Variants in CACNA1D observed in about 807,000 individuals in gnomAD.
CACNA1D encodes calcium voltage-gated channel subunit alpha1 D, also known as voltage-dependent L-type calcium channel subunit alpha-1D.
In CACNA1D, 55 loss-of-function variants were observed where a neutral mutation model predicts 257.1. The observed-to-expected ratio is 0.21, with a 90% CI of 0.17 to 0.27. The LOEUF is 0.27. Ranked by LOEUF, CACNA1D falls within the 10% of genes least tolerant of loss-of-function variation. The pLI is 1.00. For synonymous variants in CACNA1D, 980 were observed against 1,014.9 expected (o/e 0.97, Z 0.65); for missense variants, 1,876 against 2,784.0 (o/e 0.67, Z 7.34).
chr3:53,719,904 T>A, intron 11 of CACNA1D, 123 bp downstream of exon 11: 1 of 904,684 alleles, frequency 1.1e-6, no homozygotes, highest in South Asian at 1.3e-5. Context: ...ACATTGATAC[T>A]GAATTGCAGT....
intron 3 of CACNA1D, among the ~76,000 whole-genome samples, chr3:53,590,599 A>C (rs1022393606): frequency 2.6e-5 from 4 of 152,238 alleles, no homozygotes; most frequent in Non-Finnish European, 4.4e-5. Flanking sequence ...TTTGGTTCAC[A>C]AAACAACTGT....
At chr3:53,725,981 G>A (rs975383026) in intron 14 of CACNA1D, among the ~76,000 whole-genome samples, 2 of 152,112 alleles carry the variant, frequency 1.3e-5, no homozygotes, top group Admixed American at 6.5e-5. Flanking sequence ...TACTCTTGAG[G>A]TAGTTTTGTA....
intron 3 of CACNA1D, among the ~76,000 whole-genome samples, chr3:53,601,432 G>A (rs1198021132): frequency 6.6e-6 from 1 of 152,206 alleles, no homozygotes; most frequent in Non-Finnish European, 1.5e-5. Flanking sequence ...TAGTAGCAAG[G>A]GAGAAGGCAG....
chr3:53,663,522 C>T (rs573765312), intron 5 of CACNA1D, among the ~76,000 whole-genome samples: 2 of 152,288 alleles, frequency 1.3e-5, no homozygotes, highest in East Asian at 3.9e-4. Context: ...TGGTTCCTCA[C>T]AACCAATCCT....
chr3:53,812,714 T>C lies in CACNA1D; in HGVS notation c.*1308T>C, dbSNP rs877483. On this transcript the variant is annotated 3_prime_UTR_variant, in exon 48 of 48. Coordinates refer to ENST00000350061, the MANE Select transcript of CACNA1D (RefSeq NM_001128840.3). ...TTTGCATCGCTGGTGCAGAAATGCA[T>C]AGGTGGATGAGATATAGCTGCTCTT... 0.59 allele frequency: 90,366 copies of C among 152,130 alleles called. 27,153 individuals carry two copies. The highest frequency in any genetic ancestry group is 0.86 in the East Asian group (4,453 of 5,184). 9.4% of individuals were successfully genotyped at this position (152,130 alleles called of 1,614,324 possible). A position where few individuals can be genotyped will look rare whatever the true frequency, so the allele number is the denominator to read the frequency against.
At position 53,542,792 on chromosome 3, in the gene CACNA1D, C is replaced by T. The variant is rs1017378119; in HGVS notation, c.483+41072C>T. Among the ~76,000 whole-genome samples the T allele has an allele frequency of 6.6e-5, 10 of 151,990 alleles. No individual in the cohort carries two copies. The East Asian group carries it at 7.7e-4, about 12-fold the overall frequency. ...GGAGTTGGCCAGGTGTGGTGACTCA[C>T]GCCTGTAATCTTAGCACTTTGGGAG... On this transcript the variant is annotated intron_variant, in intron 3 of 47. Transcript: ENST00000350061.
chr3:53,540,694 A>T lies in CACNA1D; in HGVS notation c.483+38974A>T, dbSNP rs560115040. Among the ~76,000 whole-genome samples, 31 of 152,188 alleles carry T rather than the reference A, an allele frequency of 2.0e-4. 1 individual carries two copies. Among genetic ancestry groups the T allele is most frequent in the African/African-American group, 6.5e-4 (27 of 41,520 alleles). ...AATTTTATTCTGGAGCTCTTTCTAC[A>T]TTATCCATATGCCAGTCGGCTTCAT... On this transcript the variant is annotated intron_variant, in intron 3 of 47. Transcript: ENST00000350061.
At position 53,793,662 on chromosome 3, in the gene CACNA1D, T is replaced by G. The variant is rs1005177212; in HGVS notation, c.4924-6587T>G. Among the ~76,000 whole-genome samples, 3 of 152,210 alleles carry G rather than the reference T, an allele frequency of 2.0e-5. No homozygotes were observed. Among genetic ancestry groups the G allele is most frequent in the African/African-American group, 7.2e-5 (3 of 41,448 alleles). On this transcript the variant is annotated intron_variant, in intron 40 of 47. Transcript: ENST00000350061. This position sits in a 1 kb window ranked among gnomAD's most constrained non-coding sequence, Gnocchi z 4.1. ...CTTCTCCACTTGGGCCTGGCTGTGT[T>G]GCTGGGGAATGGCATTGGCTAAGGT...
At chr3:53,547,091 T>C (rs2092428648) in intron 3 of CACNA1D, among the ~76,000 whole-genome samples, 1 of 152,186 alleles carries the variant, frequency 6.6e-6, no homozygotes, top group Non-Finnish European at 1.5e-5. Context: ...GGCTCATGTA[T>C]GTTGAGTGAC....
intron 3 of CACNA1D, among the ~76,000 whole-genome samples, chr3:53,649,924 T>C (rs190959191): frequency 1.3e-5 from 2 of 152,368 alleles, no homozygotes; most frequent in East Asian, 3.9e-4. Flanking sequence ...GTCAAAGTTT[T>C]TAGACTTGCT....
intron 30 of CACNA1D, among the ~76,000 whole-genome samples, chr3:53,763,021 C>T (rs1023876473): frequency 4.6e-5 from 7 of 152,186 alleles, no homozygotes; most frequent in East Asian, 1.9e-4. Flanking sequence ...TGTGCACCCT[C>T]GTCCCCGCAA....
chr3:53,697,291 G>A (rs2094581423), intron 8 of CACNA1D, among the ~76,000 whole-genome samples: 1 of 152,112 alleles, frequency 6.6e-6, no homozygotes, highest in Admixed American at 6.5e-5. Flanking sequence ...TGTCCTATAG[G>A]GACATTTTCT....
chr3:53,808,820 G>A (rs762990054), intron 46 of CACNA1D, 50 bp downstream of exon 46: 1 of 1,593,104 alleles, frequency 6.3e-7, no homozygotes, highest in South Asian at 1.1e-5. Context: ...ACCCCACATA[G>A]GACCCCCATC....
chr3:53,566,832 T>C (rs563139701), intron 3 of CACNA1D, among the ~76,000 whole-genome samples: 5 of 152,304 alleles, frequency 3.3e-5, no homozygotes, highest in Non-Finnish European at 5.9e-5. Flanking sequence ...TTCCATTACA[T>C]GCTAAGCACC....
At chr3:53,561,662 C>T (rs1559843813) in intron 3 of CACNA1D, among the ~76,000 whole-genome samples, 1 of 152,104 alleles carries the variant, frequency 6.6e-6, no homozygotes, top group Non-Finnish European at 1.5e-5. Flanking sequence ...GCAGTATGCT[C>T]CTAGATCATA....
rs1475661078 is a variant in CACNA1D, at chr3:53,800,243, A to G, written c.4924-6A>G. The G allele has an allele frequency of 1.0e-5, 16 of 1,603,432 alleles. No individual in the cohort carries two copies. Among genetic ancestry groups the G allele is most frequent in the African/African-American group, 1.3e-5 (1 of 74,708 alleles). ...CTAACCTGTTCTGCCATTTTCATTG[A>G]TCTAGGCGGGATTAAGGACACTGCA... On this transcript the variant is annotated splice_region_variant and splice_polypyrimidine_tract_variant and intron_variant, in intron 40 of 47. Transcript: ENST00000350061. The surrounding 1 kb of genome is among the most constrained non-coding windows in gnomAD (Gnocchi z 4.3).
At position 53,700,025 on chromosome 3, in the gene CACNA1D, C is replaced by T. The variant is rs561579275; in HGVS notation, c.1221-2616C>T. Among the ~76,000 whole-genome samples the T allele has an allele frequency of 1.9e-4, 29 of 149,082 alleles. No homozygotes were observed. The South Asian group carries it at 3.4e-3, about 18-fold the overall frequency. On this transcript the variant is annotated intron_variant, in intron 8 of 47. Transcript: ENST00000350061. The stretch of plus-strand genomic sequence containing the variant: ...AGAGTTACCCTGAGAAGCTTAAGGA[C>T]GTTCATTTTATAATGTATGTAATTA...
chr3:53,578,199 G>A (rs1380693067), intron 3 of CACNA1D, among the ~76,000 whole-genome samples: 5 of 152,148 alleles, frequency 3.3e-5, no homozygotes, highest in African/African-American at 1.2e-4. Context: ...AGGGAGGTGG[G>A]AAGCTGGAGG....
Position 53,673,740 on chromosome 3 carries a change from C to T in CACNA1D, c.1220+614C>T, listed in dbSNP as rs900757596. ...AAATGATGCGATAGGATGGGAATGG[C>T]CATGGGTGTATTTTGTTAGTCTGAT... On this transcript the variant is annotated intron_variant, in intron 8 of 47. Transcript: ENST00000350061. This position sits in a 1 kb window ranked among gnomAD's most constrained non-coding sequence, Gnocchi z 4.1. The T allele has an allele frequency of 1.9e-6, 3 of 1,613,186 alleles. No individual in the cohort carries two copies. Among genetic ancestry groups the T allele is most frequent in the African/African-American group, 1.3e-5 (1 of 74,846 alleles).
Sources: gnomAD v4.1 joint callset for allele counts (sites outside exome capture counted in the v4.1 genomes callset) on GRCh38, gnomAD v4.1.1 for gene constraint, Gnocchi (gnomAD v3.1) non-coding constraint, MANE v1.5 for transcripts, NCBI Gene and HGNC (gene_info 2026-07-23, HGNC 2026-07-21) for gene names.